The following ABTB3 variants were observed in gnomAD, a reference collection of about 807,000 sequenced individuals.
ABTB3 encodes the protein ankyrin repeat and BTB domain containing 3.
chr12:107,440,701 T>C, the ABTB3 span, among the ~76,000 whole-genome samples: 2 of 151,798 alleles, frequency 1.3e-5, no homozygotes, highest in Non-Finnish European at 2.9e-5. Context: ...TGTCACATGG[T>C]AATTATTCTG....
chr12:107,448,375 G>A, the ABTB3 span, among the ~76,000 whole-genome samples: 1 of 152,186 alleles, frequency 6.6e-6, no homozygotes, highest in East Asian at 1.9e-4. Context: ...CTTTGTCTTT[G>A]ACCACTAATT....
At chr12:107,469,734 T>A in the ABTB3 span, among the ~76,000 whole-genome samples, 1 of 152,196 alleles carries the variant, frequency 6.6e-6, no homozygotes, top group African/African-American at 2.4e-5. Flanking sequence ...TATTAGGTAA[T>A]AATAGCTTGA....
At chr12:107,328,979 G>C in the ABTB3 span, among the ~76,000 whole-genome samples, 1 of 152,126 alleles carries the variant, frequency 6.6e-6, no homozygotes. Flanking sequence ...GCTGCCCCAT[G>C]AGTCACTTCC....
chr12:107,609,647 C>T, the ABTB3 span, among the ~76,000 whole-genome samples: 31 of 152,320 alleles, frequency 2.0e-4, 1 homozygote, highest in South Asian at 5.6e-3. Flanking sequence ...CTCAGAAGTC[C>T]CCAGCCTAGA....
chr12:107,348,284 T>TAC, the ABTB3 span, among the ~76,000 whole-genome samples: 1 of 151,966 alleles, frequency 6.6e-6, no homozygotes, highest in Non-Finnish European at 1.5e-5. Context: ...TACTCATATC[T>TAC]ACACACACAC....
the ABTB3 span, among the ~76,000 whole-genome samples, chr12:107,601,831 C>T: frequency 6.6e-6 from 1 of 152,274 alleles, no homozygotes; most frequent in Non-Finnish European, 1.5e-5. Flanking sequence ...AATAGGAATG[C>T]TATGTAAGTA....
chr12:107,542,911 GA>G, the ABTB3 span, among the ~76,000 whole-genome samples: 1 of 152,154 alleles, frequency 6.6e-6, no homozygotes, highest in Admixed American at 6.5e-5. Flanking sequence ...GGAGGAGAAG[GA>G]AAAGGAGGAG....
At chr12:107,631,130 T>A in the ABTB3 span, among the ~76,000 whole-genome samples, 1 of 152,236 alleles carries the variant, frequency 6.6e-6, no homozygotes, top group African/African-American at 2.4e-5. Context: ...ATCCCCATTG[T>A]CTGTTGTTCC....
chr12:107,576,355 C>G, the ABTB3 span, among the ~76,000 whole-genome samples: 1 of 152,174 alleles, frequency 6.6e-6, no homozygotes, highest in Non-Finnish European at 1.5e-5. Flanking sequence ...TTGATTTTCT[C>G]CCCATTCTGG....
At chr12:107,551,509 T>C in the ABTB3 span, among the ~76,000 whole-genome samples, 1 of 152,218 alleles carries the variant, frequency 6.6e-6, no homozygotes, top group Non-Finnish European at 1.5e-5. Flanking sequence ...AGTGGGCCAT[T>C]ACATCAATGT....
chr12:107,501,448 C>T, the ABTB3 span, among the ~76,000 whole-genome samples: 1,278 of 151,324 alleles, frequency 8.4e-3, 12 homozygotes, highest in African/African-American at 0.029. Context: ...ATTTGTAATC[C>T]CAGCACTTTG....
At chr12:107,407,242 C>T in the ABTB3 span, among the ~76,000 whole-genome samples, 1 of 152,212 alleles carries the variant, frequency 6.6e-6, no homozygotes. Context: ...ATGTAAAATA[C>T]CTGGCACAGT....
the ABTB3 span, among the ~76,000 whole-genome samples, chr12:107,479,652 T>C: frequency 6.6e-6 from 1 of 152,234 alleles, no homozygotes; most frequent in South Asian, 2.1e-4. Flanking sequence ...ACCTTAGCCC[T>C]ATGTGACCAT....
the ABTB3 span, among the ~76,000 whole-genome samples, chr12:107,362,748 A>G: frequency 1.3e-5 from 2 of 152,058 alleles, no homozygotes; most frequent in Non-Finnish European, 2.9e-5. Flanking sequence ...AACTATGATC[A>G]TGCCACTGCT....
the ABTB3 span, among the ~76,000 whole-genome samples, chr12:107,528,167 G>A: frequency 6.6e-6 from 1 of 152,158 alleles, no homozygotes; most frequent in Admixed American, 6.5e-5. Context: ...TGGCATGCAG[G>A]AACAGTGGTT....
the ABTB3 span, among the ~76,000 whole-genome samples, chr12:107,656,434 C>T: frequency 1.3e-5 from 2 of 152,228 alleles, no homozygotes; most frequent in Non-Finnish European, 2.9e-5. Context: ...TTTGTACCTA[C>T]TTAATTTTGC....
the ABTB3 span, among the ~76,000 whole-genome samples, chr12:107,481,822 G>A: frequency 3.3e-5 from 5 of 151,348 alleles, no homozygotes; most frequent in South Asian, 4.2e-4. Context: ...TCTTGGAAGC[G>A]AGATGATGGT....
At chr12:107,497,833 T>C in the ABTB3 span, among the ~76,000 whole-genome samples, 1 of 152,186 alleles carries the variant, frequency 6.6e-6, no homozygotes, top group Non-Finnish European at 1.5e-5. Context: ...ACTCATTGAC[T>C]CATTCCCACC....
chr12:107,633,876 G>T, the ABTB3 span, among the ~76,000 whole-genome samples: 3 of 152,202 alleles, frequency 2.0e-5, no homozygotes, highest in Non-Finnish European at 4.4e-5. Context: ...AGAAGGTCTG[G>T]GGCGAGGCCC....
Sources: allele counts gnomAD v4.1 joint callset (sites outside exome capture counted in the v4.1 genomes callset), GRCh38; gene constraint gnomAD v4.1.1; transcripts MANE v1.5; gene names NCBI Gene and HGNC (gene_info 2026-07-23, HGNC 2026-07-21).